Variants in ATRN observed in about 807,000 individuals in gnomAD.
ATRN encodes the protein attractin-2.
ATRN carries 54 observed loss-of-function variants against 178.7 expected under a neutral mutation model. The observed-to-expected ratio is 0.30, with a 90% CI of 0.24 to 0.38. ATRN has a LOEUF of 0.38. ATRN is among the 10% of genes least tolerant of loss of function. The pLI, the probability that ATRN is intolerant of heterozygous loss-of-function variation, is 1.00. For missense variants in ATRN, 1,443 were observed against 1,815.1 expected, an observed-to-expected ratio of 0.79 and a Z score of 3.73; for synonymous variants, 636 against 663.0, an observed-to-expected ratio of 0.96 and a Z score of 0.63.
intron 18 of ATRN, among the ~76,000 whole-genome samples, chr20:3,586,431 A>G (rs2086358264): frequency 1.3e-5 from 2 of 151,786 alleles, no homozygotes; most frequent in African/African-American, 2.4e-5. Context: ...ATGAAGAATA[A>G]TAGGCATGAG....
intron 1 of ATRN, among the ~76,000 whole-genome samples, chr20:3,501,092 A>G (rs2084958013): frequency 6.6e-6 from 1 of 152,184 alleles, no homozygotes; most frequent in African/African-American, 2.4e-5. Flanking sequence ...AACTGTTTTT[A>G]GTAATCGTAT....
rs376988520 is a variant in ATRN, at chr20:3,604,198, G to A, written c.3737G>A (p.Arg1246His). 7.9e-5 allele frequency: 128 copies of A among 1,612,908 alleles called. No individual in the cohort carries two copies. Among genetic ancestry groups the A allele is most frequent in the South Asian group, 2.0e-4 (18 of 90,786 alleles). Reference protein sequence around the residue: ...DSFSNEKFDFRNHPNITFFVY... With the variant: ...DSFSNEKFDFHNHPNITFFVY... ...TTCTCTAATGAGAAGTTTGATTTTC[G>A]CAACCACCCAAATATCACTTTCTTT... The change falls in exon 24 of 29, where the codon CGC becomes CAC. Residue 1246 changes from arginine to histidine, a missense_variant. Coordinates refer to ENST00000262919, the MANE Select transcript of ATRN (RefSeq NM_139321.3).
chr20:3,517,852 G>A (rs1001966214), intron 1 of ATRN, among the ~76,000 whole-genome samples: 5 of 151,870 alleles, frequency 3.3e-5, no homozygotes, highest in African/African-American at 4.8e-5. Context: ...CATTTTTTGG[G>A]CCCTGGAGCC....
At chr20:3,533,784 T>C (rs1173223200) in intron 1 of ATRN, among the ~76,000 whole-genome samples, 1 of 152,238 alleles carries the variant, frequency 6.6e-6, no homozygotes, top group Non-Finnish European at 1.5e-5. Flanking sequence ...TCTACATCTA[T>C]ATCTATATAT....
intron 24 of ATRN, among the ~76,000 whole-genome samples, chr20:3,609,960 C>T (rs1323402878): frequency 2.0e-5 from 3 of 151,956 alleles, no homozygotes; most frequent in African/African-American, 2.4e-5. Context: ...CTAGGGGGAG[C>T]GGGAAATAGG....
intron 2 of ATRN, among the ~76,000 whole-genome samples, chr20:3,539,349 A>T (rs1017833223): frequency 2.0e-5 from 3 of 152,152 alleles, no homozygotes; most frequent in African/African-American, 7.2e-5. Context: ...GGTATTTGGT[A>T]GAGGGAGAGT....
At chr20:3,615,988 A>G (rs2086842319) in intron 24 of ATRN, 1 of 214,426 alleles carries the variant, frequency 4.7e-6, no homozygotes, top group East Asian at 1.6e-4. Flanking sequence ...GCATATGTAT[A>G]CATATGTAAC....
At chr20:3,497,257 C>G (rs1395140976) in intron 1 of ATRN, among the ~76,000 whole-genome samples, 1 of 150,480 alleles carries the variant, frequency 6.6e-6, no homozygotes, top group Non-Finnish European at 1.5e-5. Flanking sequence ...TTCCTAGTCT[C>G]GATGGTCTTT....
chr20:3,642,401 C>G (rs1568779278), intron 27 of ATRN, among the ~76,000 whole-genome samples: 1 of 152,236 alleles, frequency 6.6e-6, no homozygotes, highest in South Asian at 2.1e-4. Context: ...CAGCACATAA[C>G]ACCTCCATCA....
Position 3,471,244 on chromosome 20 carries a change from G to A in ATRN, c.137G>A (p.Gly46Glu), listed in dbSNP as rs990180230. ...GCTGGGAGGCCGGGGCTGGGGGCCG[G>A]GCTGCGCCTCCCGCGGCTGCTGTCT... ...TRAGRPGLGA[G>E]LRLPRLLSPP... The change falls in exon 1 of 29, where the codon GGG becomes GAG. Residue 46 changes from glycine to glutamate, a missense_variant. Transcript: ENST00000262919. 1.7e-5 allele frequency: 24 copies of A among 1,445,860 alleles called. No homozygotes were observed. The African/African-American group carries it at 3.4e-4, about 21-fold the overall frequency. 89.6% of individuals were successfully genotyped at this position (1,445,860 alleles called of 1,614,324 possible).
intron 4 of ATRN, 78 bp from the exon 5 acceptor site, chr20:3,547,206 C>G (rs977013279): frequency 1.7e-6 from 2 of 1,146,100 alleles, no homozygotes; most frequent in Admixed American, 1.8e-5. Flanking sequence ...GATTCTTAAA[C>G]TTGTGTGGGA....
intron 27 of ATRN, among the ~76,000 whole-genome samples, chr20:3,641,013 A>G (rs1228243764): frequency 6.6e-6 from 1 of 152,264 alleles, no homozygotes; most frequent in Non-Finnish European, 1.5e-5. Context: ...TAACAAAAAA[A>G]TAAACATTGT....
At chr20:3,639,884 A>G (rs1600173930) in intron 27 of ATRN, among the ~76,000 whole-genome samples, 2 of 152,276 alleles carry the variant, frequency 1.3e-5, no homozygotes, top group East Asian at 3.9e-4. Context: ...GATGGTAAAC[A>G]CAACACCCAC....
At chr20:3,581,137 G>A (rs1279424004) in intron 15 of ATRN, among the ~76,000 whole-genome samples, 2 of 151,942 alleles carry the variant, frequency 1.3e-5, no homozygotes, top group Non-Finnish European at 2.9e-5. Flanking sequence ...TTGTAGTTCC[G>A]GCTACTTGGG....
chr20:3,541,748 T>A lies in ATRN; in HGVS notation c.608+1413T>A, dbSNP rs146507309. ...TGTGGTGTATGACTGTATATTTTCC[T>A]AAAATGCATTTCCCCTTAGGAAACC... On this transcript the variant is annotated intron_variant, in intron 3 of 28. Coordinates refer to ENST00000262919, the MANE Select transcript of ATRN (RefSeq NM_139321.3). Among the ~76,000 whole-genome samples the A allele has an allele frequency of 1.9e-3, 297 of 152,376 alleles. 1 individual carries two copies. Among genetic ancestry groups the A allele is most frequent in the African/African-American group, 6.9e-3 (286 of 41,592 alleles).
rs151519 is a variant in ATRN at position 3,535,304 on chromosome 20, C to T, written c.462C>T (p.Tyr154=). 0.25 allele frequency: 379,919 copies of T among 1,518,564 alleles called. 52,992 individuals carry two copies. The highest frequency in any genetic ancestry group is 0.32 in the African/African-American group (23,184 of 71,540). 94.1% of individuals were successfully genotyped at this position (1,518,564 alleles called of 1,614,324 possible). ...FVTDGPGNYK[Y]KTKCTWLIEG... Reference sequence around the variant, plus strand: ...CAGATGGACCTGGAAATTATAAATACAAAACGAAGTGCACGTGGCTCATTG... The same window carrying T: ...CAGATGGACCTGGAAATTATAAATATAAAACGAAGTGCACGTGGCTCATTG... The change falls in exon 2 of 29, where the codon TAC becomes TAT. Residue 154 remains tyrosine (Y), a synonymous_variant. Coordinates refer to ENST00000262919, the MANE Select transcript of ATRN (RefSeq NM_139321.3).
intron 24 of ATRN, among the ~76,000 whole-genome samples, chr20:3,622,618 G>A (rs895064030): frequency 3.9e-5 from 6 of 152,218 alleles, no homozygotes; most frequent in Non-Finnish European, 5.9e-5. Flanking sequence ...AAGACTGACC[G>A]CAGTGGGCGG....
chr20:3,551,310 C>T (rs1158501487), intron 6 of ATRN, among the ~76,000 whole-genome samples: 1 of 152,194 alleles, frequency 6.6e-6, no homozygotes, highest in African/African-American at 2.4e-5. Context: ...CACCCTGGCC[C>T]CCAGCTGCTG....
intron 1 of ATRN, among the ~76,000 whole-genome samples, chr20:3,504,513 T>TA (rs34116812): frequency 3.1e-4 from 36 of 115,894 alleles, no homozygotes; most frequent in Middle Eastern, 4.2e-3. Flanking sequence ...TCGTCTCTAC[T>TA]AAAAAAAAAA....
Sources: gnomAD v4.1 joint callset for allele counts (sites outside exome capture counted in the v4.1 genomes callset) on GRCh38, gnomAD v4.1.1 for gene constraint, MANE v1.5 for transcripts, NCBI Gene and HGNC (gene_info 2026-07-23, HGNC 2026-07-21) for gene names.